The following CDH13 variants were observed in gnomAD, a reference collection of about 807,000 sequenced individuals.
CDH13 encodes cadherin-13.
Under a neutral mutation model 63.8 loss-of-function variants are expected in CDH13, and 24 were observed. That is an observed-to-expected ratio of 0.38 (90% confidence interval 0.27 to 0.53). The LOEUF (loss-of-function observed/expected upper bound fraction) is 0.53, where lower values mean the gene tolerates loss of function less well. Ranked by LOEUF, CDH13 falls within the 20% of genes least tolerant of loss-of-function variation. The pLI, the probability that CDH13 is intolerant of heterozygous loss-of-function variation, is 0.85. For synonymous variants in CDH13, 503 were observed against 355.3 expected, an observed-to-expected ratio of 1.42 and a Z score of -4.67; for missense variants, 1,049 against 903.1, an observed-to-expected ratio of 1.16 and a Z score of -2.07.
intron 11 of CDH13, 37 bp from the exon 12 acceptor site, chr16:83,779,931 A>G (rs766077749): frequency 7.1e-7 from 1 of 1,412,196 alleles, no homozygotes; most frequent in Non-Finnish European, 1.0e-6. Context: ...TCTCGCATAT[A>G]CCAGTTGCAT....
intron 1 of CDH13, among the ~76,000 whole-genome samples, chr16:82,803,770 TAGTC>T (rs140991516): frequency 0.056 from 8,572 of 152,166 alleles, 712 homozygotes; most frequent in African/African-American, 0.19. Flanking sequence ...GTATCTAAAA[TAGTC>T]AGACTAATAG....
chr16:83,497,376 T>C (rs1393880337), intron 7 of CDH13, among the ~76,000 whole-genome samples: 3 of 151,698 alleles, frequency 2.0e-5, no homozygotes, highest in African/African-American at 4.8e-5. Flanking sequence ...ATGGATGAAA[T>C]TGGAAGTCAT....
chr16:82,997,200 A>G (rs987901385), intron 2 of CDH13, among the ~76,000 whole-genome samples: 7 of 151,858 alleles, frequency 4.6e-5, no homozygotes, highest in Non-Finnish European at 1.0e-4. Flanking sequence ...GATGGTAGTG[A>G]TGATGATAAT....
intron 1 of CDH13, among the ~76,000 whole-genome samples, chr16:82,813,129 G>A (rs2037527714): frequency 6.6e-6 from 1 of 152,184 alleles, no homozygotes; most frequent in Admixed American, 6.5e-5. Flanking sequence ...AATGTGTGCT[G>A]AAGTAAGCTG....
intron 11 of CDH13, among the ~76,000 whole-genome samples, chr16:83,764,473 GA>G (rs752701647): frequency 1.3e-5 from 2 of 152,198 alleles, no homozygotes; most frequent in Non-Finnish European, 2.9e-5. Flanking sequence ...TACTGTCAGT[GA>G]TGCCCATCTC....
At chr16:82,769,519 T>C (rs2035182279) in intron 1 of CDH13, among the ~76,000 whole-genome samples, 2 of 152,202 alleles carry the variant, frequency 1.3e-5, no homozygotes, top group Admixed American at 1.3e-4. Context: ...GAACCTCTAA[T>C]TCTGGAGAAT....
chr16:83,057,845 TAAGA>T (rs768481194), intron 3 of CDH13, among the ~76,000 whole-genome samples: 1 of 152,230 alleles, frequency 6.6e-6, no homozygotes, highest in African/African-American at 2.4e-5. Flanking sequence ...TTTATGGTAC[TAAGA>T]AAGAAAAATG....
chr16:83,181,392 A>G (rs906070589), intron 4 of CDH13, among the ~76,000 whole-genome samples: 6 of 152,186 alleles, frequency 3.9e-5, no homozygotes, highest in African/African-American at 9.6e-5. Flanking sequence ...GGGTGGCTCT[A>G]GCCTAGGTGC....
intron 3 of CDH13, among the ~76,000 whole-genome samples, chr16:83,071,333 C>T (rs1048466015): frequency 1.3e-5 from 2 of 152,120 alleles, no homozygotes; most frequent in African/African-American, 2.4e-5. Flanking sequence ...ATCCCCCTTT[C>T]TCGGATAAGG....
rs35282700 is a variant in CDH13, at chr16:83,486,559, G to A, written c.864G>A (p.Gln288=). The A allele has an allele frequency of 1.8e-3, 2,852 of 1,613,952 alleles. 31 individuals carry two copies. The African/African-American group carries it at 0.029, about 17-fold the overall frequency. Residue 288 remains glutamine, a synonymous_variant, in exon 7 of 14, where the codon CAG becomes CAA. Transcript: ENST00000567109. ...DNALLRYNIR[Q]QTPDKPSPNM... is the part of the protein sequence containing the mutation. ...CCCTCCTGCGGTATAATATCCGTCA[G>A]CAGACGCCTGACAAGCCATCTCCCA...
intron 5 of CDH13, among the ~76,000 whole-genome samples, chr16:83,321,525 A>ATAT (rs368107146): frequency 9.6e-6 from 1 of 103,650 alleles, no homozygotes; most frequent in Non-Finnish European, 1.8e-5. Context: ...GAAATCTGGA[A>ATAT]TTTTTTTTTT....
chr16:83,452,345 A>G (rs997219257), intron 6 of CDH13, among the ~76,000 whole-genome samples: 1 of 107,520 alleles, frequency 9.3e-6, no homozygotes, highest in African/African-American at 3.7e-5. Flanking sequence ...TTATTCACTC[A>G]TTTGTTCAGC....
intron 4 of CDH13, among the ~76,000 whole-genome samples, chr16:83,177,173 G>A (rs923020258): frequency 6.6e-6 from 1 of 152,138 alleles, no homozygotes; most frequent in Admixed American, 6.5e-5. Flanking sequence ...TAACATTTTA[G>A]ACAGCTGTTC....
chr16:83,393,231 G>A (rs2091822407), intron 6 of CDH13, among the ~76,000 whole-genome samples: 1 of 152,148 alleles, frequency 6.6e-6, no homozygotes, highest in Non-Finnish European at 1.5e-5. Flanking sequence ...CTTTGGGTGG[G>A]CAGAGGCATT....
chr16:83,549,181 G>A (rs946042460), intron 7 of CDH13, among the ~76,000 whole-genome samples: 12 of 152,156 alleles, frequency 7.9e-5, no homozygotes, highest in Admixed American at 1.3e-4. Flanking sequence ...GGGGAAGGAC[G>A]CAGACAAGCT....
chr16:83,744,912 G>A (rs912437115), intron 10 of CDH13, among the ~76,000 whole-genome samples: 1 of 152,190 alleles, frequency 6.6e-6, no homozygotes, highest in African/African-American at 2.4e-5. Context: ...GTGAACGGCT[G>A]GGGGGAAGCA....
intron 7 of CDH13, among the ~76,000 whole-genome samples, chr16:83,490,422 A>G (rs550698358): frequency 2.6e-5 from 4 of 152,090 alleles, no homozygotes; most frequent in Admixed American, 6.5e-5. Context: ...GATCCTTACT[A>G]TGTTGTCACT....
chr16:83,348,112 C>T (rs1190645518), intron 6 of CDH13, among the ~76,000 whole-genome samples: 1 of 152,112 alleles, frequency 6.6e-6, no homozygotes, highest in Non-Finnish European at 1.5e-5. Flanking sequence ...ATTGCTTGAA[C>T]CCAGGAGGCG....
At chr16:83,528,756 A>G (rs1388444881) in intron 7 of CDH13, among the ~76,000 whole-genome samples, 1 of 152,152 alleles carries the variant, frequency 6.6e-6, no homozygotes, top group Non-Finnish European at 1.5e-5. Context: ...TGCTGAACAC[A>G]GTGTTGTTTT....
Sources: gnomAD v4.1 joint callset for allele counts (sites outside exome capture counted in the v4.1 genomes callset) on GRCh38, gnomAD v4.1.1 for gene constraint, MANE v1.5 for transcripts, NCBI Gene and HGNC (gene_info 2026-07-23, HGNC 2026-07-21) for gene names.